The following RABGAP1L variants were observed in gnomAD, a reference collection of about 807,000 sequenced individuals.
RABGAP1L encodes the protein RAB GTPase activating protein 1 like.
Under a neutral mutation model 137.7 loss-of-function variants are expected in RABGAP1L, and 63 were observed. The ratio of observed to expected loss-of-function variants is 0.46; its 90% confidence interval spans 0.37 to 0.56. The LOEUF is 0.56. Ranked by LOEUF, RABGAP1L falls within the 20% of genes least tolerant of loss-of-function variation. The probability of loss-of-function intolerance (pLI) is 0.00; values close to 1 mark genes in which losing one functional copy is unlikely to be tolerated. For synonymous variants in RABGAP1L, 431 were observed against 433.7 expected (o/e 0.99, Z 0.08); for missense variants, 1,095 against 1,244.0 (o/e 0.88, Z 1.80).
At chr1:174,555,034 G>A (rs1223223860) in intron 13 of RABGAP1L, among the ~76,000 whole-genome samples, 1 of 152,164 alleles carries the variant, frequency 6.6e-6, no homozygotes, top group Non-Finnish European at 1.5e-5. Context: ...ACATTGCAGT[G>A]TGTCCTGATA....
chr1:174,472,448 G>T (rs1658049839), intron 13 of RABGAP1L, among the ~76,000 whole-genome samples: 1 of 152,206 alleles, frequency 6.6e-6, no homozygotes, highest in Admixed American at 6.5e-5. Flanking sequence ...CCCAGGTTTG[G>T]TGATTTGCTA....
intron 3 of RABGAP1L, among the ~76,000 whole-genome samples, chr1:174,227,070 C>CA (rs1241849692): frequency 2.0e-5 from 3 of 151,904 alleles, no homozygotes; most frequent in Admixed American, 6.6e-5. Flanking sequence ...TAAGTTTTGT[C>CA]AAAAAATCTG....
intron 13 of RABGAP1L, among the ~76,000 whole-genome samples, chr1:174,486,866 C>T (rs959823466): frequency 7.2e-5 from 11 of 151,794 alleles, no homozygotes; most frequent in Non-Finnish European, 1.6e-4. Context: ...TTTCAATTTC[C>T]TTCTTGATTT....
intron 19 of RABGAP1L, among the ~76,000 whole-genome samples, chr1:174,841,820 G>C (rs1693438136): frequency 1.3e-5 from 2 of 151,302 alleles, no homozygotes; most frequent in African/African-American, 4.8e-5. Flanking sequence ...ACTAACTTTA[G>C]ATAACTAGAA....
At chr1:174,578,374 G>T (rs61624206) in intron 13 of RABGAP1L, among the ~76,000 whole-genome samples, 58,921 of 151,848 alleles carry the variant, frequency 0.39, 14,363 homozygotes, top group African/African-American at 0.69. Context: ...TTTATAGAGA[G>T]GAGATCTCAC....
intron 1 of RABGAP1L, among the ~76,000 whole-genome samples, chr1:174,176,741 A>AAAAAAAAATAAAATAAAAT (rs755688394): frequency 8.0e-5 from 9 of 111,806 alleles, no homozygotes; most frequent in Non-Finnish European, 1.3e-4. Flanking sequence ...AAAAAAAAAA[A>AAAAAAAAATAAAATAAAAT]AAAAAGGTCA....
intron 7 of RABGAP1L, among the ~76,000 whole-genome samples, chr1:174,254,007 GGAGGCAATTGAGGCGCTGGCT>G (rs1179833890): frequency 2.0e-5 from 3 of 152,042 alleles, no homozygotes; most frequent in Non-Finnish European, 4.4e-5. Flanking sequence ...GATGAGGGTG[GGAGGCAATTGAGGCGCTGGCT>G]GATGGCATCA....
intron 10 of RABGAP1L, among the ~76,000 whole-genome samples, chr1:174,300,774 G>A (rs1311582786): frequency 2.6e-5 from 4 of 152,094 alleles, no homozygotes; most frequent in African/African-American, 7.2e-5. Context: ...GGCTGAGGCA[G>A]AGAATTGCTT....
At chr1:174,982,961 A>G in intron 24 of RABGAP1L, 56 bp downstream of exon 24, 4 of 1,508,584 alleles carry the variant, frequency 2.7e-6, no homozygotes, top group Non-Finnish European at 3.6e-6. Context: ...ACAGGCTTGT[A>G]AGTACCTGAA....
intron 19 of RABGAP1L, among the ~76,000 whole-genome samples, chr1:174,914,356 C>T (rs1660519772): frequency 6.6e-6 from 1 of 152,160 alleles, no homozygotes; most frequent in Admixed American, 6.5e-5. Context: ...TGACATATAT[C>T]ACTTTTATTT....
chr1:174,297,473 A>G (rs1482227437), intron 10 of RABGAP1L, among the ~76,000 whole-genome samples: 4 of 152,190 alleles, frequency 2.6e-5, no homozygotes, highest in African/African-American at 9.7e-5. Flanking sequence ...AAACAGGGCG[A>G]ACTTCTCGAG....
chr1:174,398,977 A>T (rs1648218720), intron 13 of RABGAP1L, among the ~76,000 whole-genome samples: 1 of 152,208 alleles, frequency 6.6e-6, no homozygotes, highest in Admixed American at 6.6e-5. Flanking sequence ...AAATATTTTC[A>T]CATTCAGCTT....
intron 11 of RABGAP1L, among the ~76,000 whole-genome samples, chr1:174,314,575 T>C (rs1313544946): frequency 6.6e-6 from 1 of 152,210 alleles, no homozygotes. Flanking sequence ...TCTCATTTTT[T>C]TAAGATGCAT....
intron 19 of RABGAP1L, among the ~76,000 whole-genome samples, chr1:174,902,423 T>C (rs1658300026): frequency 6.6e-6 from 1 of 152,164 alleles, no homozygotes; most frequent in Non-Finnish European, 1.5e-5. Flanking sequence ...TGAGGTGCTG[T>C]GGAAGTGGGG....
chr1:174,352,001 G>T (rs191563066), intron 11 of RABGAP1L, among the ~76,000 whole-genome samples: 15 of 152,092 alleles, frequency 9.9e-5, no homozygotes, highest in African/African-American at 3.4e-4. Context: ...GTAGAGACAG[G>T]GTTTCACTGT....
At chr1:174,904,623 G>A (rs1177050907) in intron 19 of RABGAP1L, among the ~76,000 whole-genome samples, 1 of 152,018 alleles carries the variant, frequency 6.6e-6, no homozygotes, top group Non-Finnish European at 1.5e-5. Flanking sequence ...TTCTATAGGA[G>A]GTACATTTCT....
intron 19 of RABGAP1L, among the ~76,000 whole-genome samples, chr1:174,931,999 T>TTG (rs1366257471): frequency 4.2e-5 from 6 of 142,484 alleles, no homozygotes; most frequent in African/African-American, 1.6e-4. Context: ...GGTTTTTTTT[T>TTG]TTTTTTTTTT....
intron 11 of RABGAP1L, among the ~76,000 whole-genome samples, chr1:174,321,250 G>A (rs1416420196): frequency 6.6e-6 from 1 of 152,188 alleles, no homozygotes; most frequent in Non-Finnish European, 1.5e-5. Context: ...ATGACAATGT[G>A]TGCCCAGTGG....
At chr1:174,563,762 G>A (rs1417639689) in intron 13 of RABGAP1L, among the ~76,000 whole-genome samples, 2 of 152,014 alleles carry the variant, frequency 1.3e-5, no homozygotes, top group East Asian at 3.9e-4. Context: ...ATCTCCAGTG[G>A]CACAGAATAT....
Sources: gnomAD v4.1 joint callset for allele counts (sites outside exome capture counted in the v4.1 genomes callset) on GRCh38, gnomAD v4.1.1 for gene constraint, MANE v1.5 for transcripts, NCBI Gene and HGNC (gene_info 2026-07-23, HGNC 2026-07-21) for gene names.